Variants in RAET1L observed in about 807,000 individuals in gnomAD.
RAET1L encodes UL16-binding protein 6.
In RAET1L, 16 loss-of-function variants were observed where a neutral mutation model predicts 23.9. The observed-to-expected ratio is 0.67, with a 90% confidence interval of 0.45 to 1.02. RAET1L has a LOEUF of 1.02. RAET1L is among the 50% of genes least tolerant of loss of function. RAET1L has a pLI of 0.00. For synonymous variants in RAET1L, 70 were observed against 111.2 expected, an observed-to-expected ratio of 0.63 and a Z score of 2.33; for missense variants, 233 against 304.0, an observed-to-expected ratio of 0.77 and a Z score of 1.74.
rs546112089 is a variant in RAET1L at position 150,020,224 on chromosome 6, G to A, written c.647C>T (p.Ser216Phe). 5.5e-5 allele frequency: 84 copies of A among 1,522,244 alleles called. 2 individuals are homozygous for A. In the East Asian group the frequency reaches 1.8e-3, roughly 34 times the overall value. 94.3% of individuals were successfully genotyped at this position (1,522,244 alleles called of 1,614,324 possible). The change falls in exon 4 of 5, where the codon TCC becomes TTC. Residue 216 changes from serine to phenylalanine, a missense_variant. Transcript: ENST00000367341. ...GGCCCTGAGTTGGGTTGTGCCTGAG[G>A]ACATGGCGAGTGGTGCTGAAATGGA... ...EPSAGAPLAMSSGTTQLRATA... is the reference protein window; with the variant it reads ...EPSAGAPLAMFSGTTQLRATA...
At position 150,021,177 on chromosome 6, in the gene RAET1L, G is replaced by A. The variant is rs530963292; in HGVS notation, c.359C>T (p.Thr120Ile). 1.1e-5 allele frequency: 18 copies of A among 1,612,756 alleles called. No individual in the cohort carries two copies. The East Asian group carries it at 2.9e-4, about 26-fold the overall frequency. Residue 120 changes from threonine to isoleucine, a missense_variant, in exon 3 of 5, where the codon ACC becomes ATC. Around this residue, in one of 4 missense-constraint regions of RAET1L, gnomAD observed 139 missense variants for 125.3 expected, o/e 1.11. Transcript: ENST00000367341. ...LENYTPKEPL[T>I]LQARMSCEQK... ...CTCACAAGACATCCTTGCCTGCAGG[G>A]TGAGGGGTTCTGCCCCCATCAGAGA...
Position 150,018,781 on chromosome 6 carries a change from TG to T in RAET1L, c.*96del. ...GCTGCTGGACATACACCGTAGGTGG[TG>T]GGCAGCTGGCCAGACAGAAGGGCGA... On this transcript the variant is annotated 3_prime_UTR_variant, in exon 5 of 5. Coordinates refer to ENST00000367341, the MANE Select transcript of RAET1L (RefSeq NM_130900.3). 3.8e-6 allele frequency: 1 copy of T among 265,180 alleles called. No homozygotes were observed. The highest frequency in any genetic ancestry group is 4.0e-5 in the South Asian group (1 of 25,270). 16.4% of individuals were successfully genotyped at this position (265,180 alleles called of 1,614,324 possible). A position where few individuals can be genotyped will look rare whatever the true frequency, so the allele number is the denominator to read the frequency against.
chr6:150,020,783 G>A lies in RAET1L; in HGVS notation c.631+122C>T, dbSNP rs1217795020. The A allele has an allele frequency of 3.3e-6, 5 of 1,508,172 alleles. No individual in the cohort carries two copies. In the African/African-American group the frequency reaches 4.2e-5, roughly 13 times the overall value. 93.4% of individuals were successfully genotyped at this position (1,508,172 alleles called of 1,614,324 possible). ...AGTAACCCCAGGAGGAGGGCCCGACGAGGAGGTCATTTTAACATAAACGTG... is the reference window on the plus strand; with the variant it reads ...AGTAACCCCAGGAGGAGGGCCCGACAAGGAGGTCATTTTAACATAAACGTG... On this transcript the variant is annotated intron_variant, in intron 3 of 4. Transcript: ENST00000367341.
chr6:150,024,134 G>T (rs181332546), intron 1 of RAET1L, among the ~76,000 whole-genome samples: 1 of 152,262 alleles, frequency 6.6e-6, no homozygotes, highest in African/African-American at 2.4e-5. Flanking sequence ...GAGGGTACCT[G>T]ATGGTCCCCA....
rs1411107661 is a variant in RAET1L at position 150,020,606 on chromosome 6, A to G, written c.631+299T>C. Among the ~76,000 whole-genome samples the G allele has an allele frequency of 2.6e-5, 4 of 152,194 alleles. No individual in the cohort carries two copies. In the East Asian group the frequency reaches 7.7e-4, roughly 29 times the overall value. ...GGAAAGGAAAAGTGATTCTCAAAAGAGGAAACACTAAGGAAAAAGTTCTGA... is the reference window on the plus strand; with the variant it reads ...GGAAAGGAAAAGTGATTCTCAAAAGGGGAAACACTAAGGAAAAAGTTCTGA... On this transcript the variant is annotated intron_variant, in intron 3 of 4. Coordinates refer to ENST00000367341, the MANE Select transcript of RAET1L (RefSeq NM_130900.3).
chr6:150,024,745 T>G (rs1158932216), intron 1 of RAET1L, among the ~76,000 whole-genome samples: 2 of 151,864 alleles, frequency 1.3e-5, no homozygotes, highest in Non-Finnish European at 2.9e-5. Flanking sequence ...GGTGGTGAGG[T>G]ACCCTTCATG....
rs199893673 is a variant in RAET1L at position 150,021,176 on chromosome 6, G to A, written c.360C>T (p.Thr120=). The part of the protein sequence containing the change: ...LENYTPKEPL[T]LQARMSCEQK... ...GCTCACAAGACATCCTTGCCTGCAG[G>A]GTGAGGGGTTCTGCCCCCATCAGAG... The change falls in exon 3 of 5, where the codon ACC becomes ACT. Residue 120 remains threonine (T), a synonymous_variant. Transcript: ENST00000367341. The A allele has an allele frequency of 6.2e-7, 1 of 1,612,696 alleles. No homozygotes were observed. Among genetic ancestry groups the A allele is most frequent in the Non-Finnish European group, 8.5e-7 (1 of 1,179,102 alleles).
At chr6:150,020,271 G>C (rs561380806) in intron 3 of RAET1L, 32 bp from the exon 4 acceptor site, 1 of 1,161,530 alleles carries the variant, frequency 8.6e-7, no homozygotes, top group South Asian at 1.5e-5. Context: ...GACAACCCTT[G>C]TCCAGGCCCC....
chr6:150,025,315 C>T, intron 1 of RAET1L, 72 bp downstream of exon 1: 1 of 1,351,428 alleles, frequency 7.4e-7, no homozygotes, highest in Non-Finnish European at 1.0e-6. Flanking sequence ...CTTCCCTCCT[C>T]TGAAACCCGC....
At chr6:150,025,061 G>T (rs1248230724) in intron 1 of RAET1L, among the ~76,000 whole-genome samples, 1 of 152,078 alleles carries the variant, frequency 6.6e-6, no homozygotes, top group Non-Finnish European at 1.5e-5. Flanking sequence ...TCCCGGGGGG[G>T]CTCTGGTTTC....
At position 150,021,071 on chromosome 6, in the gene RAET1L, C is replaced by G. The variant is rs1196464964; in HGVS notation, c.465G>C (p.Lys155Asn). The G allele has an allele frequency of 1.2e-6, 2 of 1,614,062 alleles. No individual in the cohort carries two copies. The highest frequency in any genetic ancestry group is 1.1e-5 in the South Asian group (1 of 91,082). ...CAGGATGAACCGTTGTCCACATTCT[C>G]TTCTCTGAGTCAAAGAGTAGGAAGG... ...GQTFLLFDSEKRMWTTVHPGA... is the reference protein window; with the variant it reads ...GQTFLLFDSENRMWTTVHPGA... The change falls in exon 3 of 5, where the codon AAG (lysine) becomes AAC (asparagine). Residue 155 changes from lysine to asparagine, a missense_variant. By Grantham distance (94) the Lys-to-Asn change is moderately conservative (BLOSUM62 0). Around this residue, in one of 4 missense-constraint regions of RAET1L, gnomAD observed 139 missense variants for 125.3 expected, o/e 1.11. Coordinates refer to ENST00000367341, the MANE Select transcript of RAET1L (RefSeq NM_130900.3).
At position 150,021,171 on chromosome 6, in the gene RAET1L, T is replaced by C; in HGVS notation, c.365A>G (p.Gln122Arg). ...NYTPKEPLTLQARMSCEQKAE... is the reference protein window; with the variant it reads ...NYTPKEPLTLRARMSCEQKAE... ...TTTCTGCTCACAAGACATCCTTGCC[T>C]GCAGGGTGAGGGGTTCTGCCCCCAT... is the stretch of plus-strand genomic sequence containing the variant. Residue 122 changes from glutamine (Q) to arginine (R), a missense_variant, in exon 3 of 5, where the codon CAG becomes CGG. Physicochemically the swap from Gln to Arg is conservative, Grantham distance 43 (BLOSUM62 1). Coordinates refer to ENST00000367341, the MANE Select transcript of RAET1L (RefSeq NM_130900.3). 6.2e-7 allele frequency: 1 copy of C among 1,613,186 alleles called. No individual in the cohort carries two copies. The highest frequency in any genetic ancestry group is 8.5e-7 in the Non-Finnish European group (1 of 1,179,358).
rs755260672 is a variant in RAET1L, at chr6:150,021,141, T to C, written c.395A>G (p.Glu132Gly). 1.2e-6 allele frequency: 2 copies of C among 1,614,106 alleles called. No homozygotes were observed. Among genetic ancestry groups the C allele is most frequent in the East Asian group, 4.5e-5 (2 of 44,864 alleles). Residue 132 changes from glutamate to glycine, a missense_variant, in exon 3 of 5, where the codon GAA becomes GGA. Physicochemically the swap from Glu to Gly is moderately conservative, Grantham distance 98 (BLOSUM62 -2). This residue lies in a region of RAET1L where 139 missense variants were observed against 125.3 expected (regional missense o/e 1.11). Transcript: ENST00000367341. The part of the protein sequence containing the change: ...QARMSCEQKA[E>G]GHSSGSWQFS... The stretch of plus-strand genomic sequence containing the variant: ...CTGCCAAGATCCACTGCTGTGTCCT[T>C]CAGCTTTCTGCTCACAAGACATCCT...
At chr6:150,021,313 G>A in intron 2 of RAET1L, 127 bp from the exon 3 acceptor site, 3 of 1,230,876 alleles carry the variant, frequency 2.4e-6, no homozygotes, top group Non-Finnish European at 3.4e-6. Context: ...CTCTTGAGGG[G>A]TAAGATGACC....
chr6:150,020,921 C>G lies in RAET1L; in HGVS notation c.615G>C (p.Leu205=). ...EDFLMGMDST[L]EPSAGAPLAM... ...TCCTGTTACCTCCTGCACTTGGCTC[C>G]AGGGTGCTGTCCATGCCCATCAAGA... Residue 205 remains leucine, a synonymous_variant, in exon 3 of 5, where the codon CTG becomes CTC. Transcript: ENST00000367341. The G allele has an allele frequency of 1.2e-6, 2 of 1,614,134 alleles. No individual in the cohort carries two copies. The highest frequency in any genetic ancestry group is 1.7e-6 in the Non-Finnish European group (2 of 1,180,002).
chr6:150,018,920 C>G (rs1779854349), intron 4 of RAET1L, 65 bp from the exon 5 acceptor site: 1 of 277,014 alleles, frequency 3.6e-6, no homozygotes, highest in Non-Finnish European at 7.1e-6. Context: ...CCACGGTAAT[C>G]TTTCCCTAGT....
intron 1 of RAET1L, among the ~76,000 whole-genome samples, chr6:150,024,892 G>GAAAAGTGCGGGGAAA (rs1779928994): frequency 6.6e-6 from 1 of 152,120 alleles, no homozygotes; most frequent in African/African-American, 2.4e-5. Flanking sequence ...GTGTCTACAG[G>GAAAAGTGCGGGGAAA]AAAAGTGCGG....
rs751984340 is a variant in RAET1L at position 150,021,235 on chromosome 6, C to A, written c.350-49G>T. The stretch of plus-strand genomic sequence containing the variant: ...GCTCTGATCTTGACAAATTTTGCAC[C>A]CCCATCCTGTTCCCCTTACAATTTG... On this transcript the variant is annotated intron_variant, in intron 2 of 4. Coordinates refer to ENST00000367341, the MANE Select transcript of RAET1L (RefSeq NM_130900.3). 4.5e-6 allele frequency: 7 copies of A among 1,566,806 alleles called. No individual in the cohort carries two copies. The South Asian group carries it at 4.8e-5, about 11-fold the overall frequency.
intron 3 of RAET1L, among the ~76,000 whole-genome samples, chr6:150,020,521 A>G (rs557148564): frequency 1.3e-5 from 2 of 152,120 alleles, no homozygotes; most frequent in Non-Finnish European, 2.9e-5. Flanking sequence ...TGGGGAGGGG[A>G]GGATCTCTGG....
Sources: allele counts gnomAD v4.1 joint callset (sites outside exome capture counted in the v4.1 genomes callset), GRCh38; gene constraint gnomAD v4.1.1; regional missense constraint gnomAD v4.1.1; transcripts MANE v1.5; gene names NCBI Gene and HGNC (gene_info 2026-07-23, HGNC 2026-07-21).